The following ASPSCR1 variants were observed in gnomAD, a reference collection of about 807,000 sequenced individuals.
ASPSCR1 encodes the protein tether containing UBX domain for GLUT4.
A neutral mutation model predicts 68.9 loss-of-function variants in ASPSCR1; 55 were observed. The observed-to-expected ratio is 0.80, with a 90% CI of 0.64 to 1.00. The LOEUF (loss-of-function observed/expected upper bound fraction) is 1.00. Among genes scored for constraint, ASPSCR1 ranks in the 50% least tolerant of loss-of-function variants. The pLI, the probability that ASPSCR1 is intolerant of heterozygous loss-of-function variation, is 0.00. For missense variants in ASPSCR1, 765 were observed against 762.2 expected (o/e 1.00, Z -0.04); for synonymous variants, 352 against 332.6 (o/e 1.06, Z -0.63).
chr17:81,979,107 C>T, intron 1 of ASPSCR1, 77 bp from the exon 2 acceptor site: 3 of 1,499,082 alleles, frequency 2.0e-6, no homozygotes, highest in Admixed American at 3.3e-5. Context: ...AAGCTGAATG[C>T]CCTTGGCTGA....
intron 4 of ASPSCR1, among the ~76,000 whole-genome samples, chr17:81,993,533 G>A (rs2144035078): frequency 6.6e-6 from 1 of 152,286 alleles, no homozygotes; most frequent in Admixed American, 6.5e-5. Context: ...CTTTCAAGTA[G>A]GTCAGCAGAT....
intron 11 of ASPSCR1, 100 bp downstream of exon 11, chr17:82,011,705 C>T (rs1347483856): frequency 4.4e-6 from 6 of 1,359,708 alleles, no homozygotes; most frequent in Non-Finnish European, 5.1e-6. Flanking sequence ...GCAGCTTCTC[C>T]ACAGGAGCAG....
At chr17:81,985,226 C>A (rs1426801539) in intron 3 of ASPSCR1, among the ~76,000 whole-genome samples, 1 of 148,724 alleles carries the variant, frequency 6.7e-6, no homozygotes, top group African/African-American at 2.5e-5. Context: ...AACTGCACAC[C>A]CCCGCACACA....
chr17:82,002,825 T>C (rs147378393), intron 7 of ASPSCR1, among the ~76,000 whole-genome samples: 1 of 152,290 alleles, frequency 6.6e-6, no homozygotes, highest in African/African-American at 2.4e-5. Context: ...CCCAAATTGT[T>C]AGGATTACAG....
At position 81,996,770 on chromosome 17, in the gene ASPSCR1, A is replaced by C; in HGVS notation, c.857A>C (p.Lys286Thr). ...GGCCCCTCCAAGCCAAAGAAGTCCAAGTCGGGCCAGGATCCCCAGCAGGAG... is the reference window on the plus strand; with the variant it reads ...GGCCCCTCCAAGCCAAAGAAGTCCACGTCGGGCCAGGATCCCCAGCAGGAG... The part of the protein sequence containing the change: ...PGGPSKPKKS[K>T]SGQDPQQEQE... The change falls in exon 7 of 16, where the codon AAG becomes ACG. Residue 286 changes from lysine (K) to threonine (T), a missense_variant. Transcript: ENST00000306739. 1 of 1,612,404 alleles carries C rather than the reference A, an allele frequency of 6.2e-7. No individual in the cohort carries two copies. The highest frequency in any genetic ancestry group is 8.5e-7 in the Non-Finnish European group (1 of 1,179,720).
Position 81,983,252 on chromosome 17 carries a change from C to T in ASPSCR1, c.159-302C>T, listed in dbSNP as rs935247501. On this transcript the variant is annotated intron_variant, in intron 2 of 15. Coordinates refer to ENST00000306739, the MANE Select transcript of ASPSCR1 (RefSeq NM_024083.4). This position sits in a 1 kb window ranked among gnomAD's most constrained non-coding sequence, Gnocchi z 4.4. ...CCCCAGTCGTTCTCTCTGTGTTTTC[C>T]GAGCGTCTGCACTGGGGCTGTCAGC... Among the ~76,000 whole-genome samples, 6 of 152,178 alleles carry T rather than the reference C, an allele frequency of 3.9e-5. No individual in the cohort carries two copies. Among genetic ancestry groups the T allele is most frequent in the African/African-American group, 1.4e-4 (6 of 41,448 alleles).
rs1287755063 is a variant in ASPSCR1, at chr17:82,010,862, G to A, written c.1231G>A (p.Glu411Lys). ...YVLQGFFRPS[E>K]TVGDLRDFVR... ...CCTACAGGGCTTCTTCCGCCCCAGC[G>A]AGACAGGTGGGCAGCGCTGTGGGGT... The change falls in exon 10 of 16, where the codon GAG (glutamate) becomes AAG (lysine). Residue 411 changes from glutamate to lysine, a missense_variant. Coordinates refer to ENST00000306739, the MANE Select transcript of ASPSCR1 (RefSeq NM_024083.4). 3.7e-6 allele frequency: 6 copies of A among 1,612,394 alleles called. No individual in the cohort carries two copies. The highest frequency in any genetic ancestry group is 2.2e-5 in the East Asian group (1 of 44,882).
chr17:81,982,971 G>A lies in ASPSCR1; in HGVS notation c.159-583G>A, dbSNP rs990532584. ...TGGGACTACAGGCCTGAGCCACCAT[G>A]CCCAGCTTATTTTTTTGTATTTTTA... On this transcript the variant is annotated intron_variant, in intron 2 of 15. Coordinates refer to ENST00000306739, the MANE Select transcript of ASPSCR1 (RefSeq NM_024083.4). Among the ~76,000 whole-genome samples the A allele has an allele frequency of 1.3e-4, 20 of 152,196 alleles. No individual in the cohort carries two copies. In the East Asian group the frequency reaches 3.7e-3, roughly 28 times the overall value.
intron 7 of ASPSCR1, chr17:82,008,421 A>AG (rs2042795545): frequency 1.3e-5 from 2 of 152,288 alleles, no homozygotes; most frequent in African/African-American, 4.8e-5. Context: ...CGCAGTGCTG[A>AG]GGTGTCCCAC....
chr17:81,982,762 C>CT (rs944882312), intron 2 of ASPSCR1: 5 of 150,494 alleles, frequency 3.3e-5, no homozygotes, highest in African/African-American at 4.9e-5. Flanking sequence ...TTCTTTCTTT[C>CT]TTCTTCTCTT....
At position 81,983,693 on chromosome 17, in the gene ASPSCR1, G is replaced by A. The variant is rs761018784; in HGVS notation, c.273+25G>A. 3.2e-6 allele frequency: 5 copies of A among 1,569,868 alleles called. No individual in the cohort carries two copies. The highest frequency in any genetic ancestry group is 4.4e-6 in the Non-Finnish European group (5 of 1,147,628). ...GGTGGGTCGTGCTCTGGGGGAGGCT[G>A]ACTGTGTGGGGCACAGGATCGTTCA... On this transcript the variant is annotated intron_variant, in intron 3 of 15. Transcript: ENST00000306739. The surrounding 1 kb of genome is among the most constrained non-coding windows in gnomAD (Gnocchi z 4.4).
chr17:81,989,708 C>T (rs1232563901), intron 4 of ASPSCR1, among the ~76,000 whole-genome samples: 2 of 152,182 alleles, frequency 1.3e-5, no homozygotes, highest in African/African-American at 2.4e-5. Flanking sequence ...AGCTCCACTG[C>T]GAGGGTGTCA....
intron 2 of ASPSCR1, among the ~76,000 whole-genome samples, chr17:81,982,950 A>C (rs920588360): frequency 1.3e-5 from 2 of 152,228 alleles, no homozygotes; most frequent in South Asian, 4.1e-4. Context: ...AGTAGCTGGG[A>C]CTACAGGCCT....
chr17:82,010,448 G>A (rs1178869943), intron 9 of ASPSCR1, among the ~76,000 whole-genome samples: 4 of 148,224 alleles, frequency 2.7e-5, no homozygotes, highest in Non-Finnish European at 5.9e-5. Context: ...AGAAAGGCGT[G>A]AACCCGGGAG....
chr17:81,985,070 C>T (rs1036829169), intron 3 of ASPSCR1, among the ~76,000 whole-genome samples: 8 of 143,218 alleles, frequency 5.6e-5, no homozygotes, highest in Non-Finnish European at 1.1e-4. Context: ...ACGCACACAC[C>T]TGTACACACA....
chr17:81,983,979 C>A lies in ASPSCR1; in HGVS notation c.273+311C>A, dbSNP rs148833846. Among the ~76,000 whole-genome samples, 495 of 151,858 alleles carry A rather than the reference C, an allele frequency of 3.3e-3. 2 individuals are homozygous for A. The highest frequency in any genetic ancestry group is 4.5e-3 in the Non-Finnish European group (308 of 67,938). On this transcript the variant is annotated intron_variant, in intron 3 of 15. Coordinates refer to ENST00000306739, the MANE Select transcript of ASPSCR1 (RefSeq NM_024083.4). The surrounding 1 kb of genome is among the most constrained non-coding windows in gnomAD (Gnocchi z 4.4). ...TTCACACCATTCTGCCTCAGCCTCC[C>A]GAGTAGCTAGGACTACAGGTGCCCG...
rs747131057 is a variant in ASPSCR1 at position 82,012,267 on chromosome 17, C to G, written c.1337C>G (p.Thr446Arg). 1.9e-6 allele frequency: 3 copies of G among 1,613,418 alleles called. No individual in the cohort carries two copies. The highest frequency in any genetic ancestry group is 2.5e-6 in the Non-Finnish European group (3 of 1,179,918). ...TPPKTVLDDH[T>R]QTLFQANLFP... ...CCAAAAACAGTCCTGGACGACCACA[C>G]GCAGACCCTCTTTCAGGTACCTGAG... The change falls in exon 12 of 16, where the codon ACG becomes AGG. Residue 446 changes from threonine (T) to arginine (R), a missense_variant. Coordinates refer to ENST00000306739, the MANE Select transcript of ASPSCR1 (RefSeq NM_024083.4).
At position 81,996,821 on chromosome 17, in the gene ASPSCR1, C is replaced by T. The variant is rs762807757; in HGVS notation, c.908C>T (p.Pro303Leu). ...QEQEQERERDPQQEQERERPV... is the reference protein window; with the variant it reads ...QEQEQERERDLQQEQERERPV... ...CAGGAGCAGGAGCGGGAGCGGGATC[C>T]CCAGCAGGAGCAGGAGCGGGAGCGG... Residue 303 changes from proline to leucine, a missense_variant, in exon 7 of 16, where the codon CCC (proline) becomes CTC (leucine). Transcript: ENST00000306739. 6.2e-7 allele frequency: 1 copy of T among 1,604,402 alleles called. No homozygotes were observed. The highest frequency in any genetic ancestry group is 1.7e-5 in the Admixed American group (1 of 57,500).
At chr17:82,008,704 C>G (rs2042805738) in intron 7 of ASPSCR1, 2 of 271,468 alleles carry the variant, frequency 7.4e-6, no homozygotes, top group East Asian at 1.2e-4. Context: ...TGTCGCCACC[C>G]CTCCCCCCCA....
Sources: allele counts gnomAD v4.1 joint callset (sites outside exome capture counted in the v4.1 genomes callset), GRCh38; gene constraint gnomAD v4.1.1; non-coding constraint Gnocchi (gnomAD v3.1); transcripts MANE v1.5; gene names NCBI Gene and HGNC (gene_info 2026-07-23, HGNC 2026-07-21).